Variants in CTNNA2 observed in about 807,000 individuals in gnomAD.
CTNNA2 encodes catenin alpha 2, also known as catenin alpha-2.
In CTNNA2, 42 loss-of-function variants were observed where a neutral mutation model predicts 101.0. The observed-to-expected ratio is 0.42, with a 90% CI of 0.32 to 0.54. The LOEUF is 0.54. Among genes scored for constraint, CTNNA2 ranks in the 20% least tolerant of loss-of-function variants. The pLI is 0.14. For synonymous variants in CTNNA2, 450 were observed against 456.4 expected (o/e 0.99, Z 0.18); for missense variants, 871 against 1,223.1 (o/e 0.71, Z 4.29).
At chr2:79,373,997 T>A (rs1277315923) in exon 4 of CTNNA2, 1 of 152,190 alleles carries the variant, frequency 6.6e-6, no homozygotes, top group African/African-American at 2.4e-5. Context: ...ATGAATGTCA[T>A]CTGGCTGAAC....
intron 4 of CTNNA2, among the ~76,000 whole-genome samples, chr2:79,460,636 A>G (rs1255612261): frequency 1.3e-5 from 2 of 152,092 alleles, no homozygotes; most frequent in East Asian, 1.9e-4. Flanking sequence ...GATTTTTCCC[A>G]TTCTCTACTC....
At chr2:79,480,828 C>T (rs531133642) in intron 4 of CTNNA2, among the ~76,000 whole-genome samples, 122 of 152,176 alleles carry the variant, frequency 8.0e-4, no homozygotes, top group African/African-American at 2.7e-3. Flanking sequence ...ATTTTCTTAA[C>T]GTTTTCCGTG....
chr2:79,620,718 G>C (rs1233011250), intron 1 of CTNNA2, among the ~76,000 whole-genome samples: 1 of 152,170 alleles, frequency 6.6e-6, no homozygotes, highest in Non-Finnish European at 1.5e-5. Flanking sequence ...GCCCAAATCA[G>C]TTTGATGTGA....
At chr2:80,594,675 T>G (rs1696793266) in intron 15 of CTNNA2, among the ~76,000 whole-genome samples, 1 of 152,100 alleles carries the variant, frequency 6.6e-6, no homozygotes, top group East Asian at 1.9e-4. Context: ...TAGTTAATTT[T>G]TAAATGAGGT....
chr2:80,628,903 T>C (rs1448389272), intron 18 of CTNNA2, among the ~76,000 whole-genome samples: 4 of 152,058 alleles, frequency 2.6e-5, no homozygotes, highest in Non-Finnish European at 5.9e-5. Context: ...ATGCCCTCCA[T>C]TGAGTGGAAC....
chr2:80,188,695 G>T (rs1457928209), intron 7 of CTNNA2, among the ~76,000 whole-genome samples: 2 of 152,104 alleles, frequency 1.3e-5, no homozygotes, highest in Non-Finnish European at 2.9e-5. Flanking sequence ...TGTCTATCCT[G>T]TTCACAGCAG....
At chr2:80,098,166 A>G (rs1700284195) in intron 7 of CTNNA2, among the ~76,000 whole-genome samples, 1 of 152,056 alleles carries the variant, frequency 6.6e-6, no homozygotes, top group African/African-American at 2.4e-5. Context: ...GATGATGGTG[A>G]CGTACAAATG....
intron 2 of CTNNA2, among the ~76,000 whole-genome samples, chr2:79,307,193 A>G (rs1676267074): frequency 6.6e-6 from 1 of 152,176 alleles, no homozygotes; most frequent in East Asian, 1.9e-4. Flanking sequence ...AGATCAGGGT[A>G]ATGAGCATAT....
chr2:79,448,170 G>A (rs1678853702), intron 4 of CTNNA2, among the ~76,000 whole-genome samples: 1 of 152,056 alleles, frequency 6.6e-6, no homozygotes, highest in South Asian at 2.1e-4. Context: ...CAGCTCTGAT[G>A]AAACCTTGGT....
chr2:79,415,716 C>T (rs1257013475), intron 4 of CTNNA2, among the ~76,000 whole-genome samples: 1 of 152,002 alleles, frequency 6.6e-6, no homozygotes, highest in African/African-American at 2.4e-5. Context: ...TGAACATATG[C>T]CTGGTATCTG....
rs370131257 is a variant in CTNNA2 at position 79,390,515 on chromosome 2, C to G, written c.-135+16502C>G. ...TCATCCAGACATGAATTTTTTCCAC[C>G]TTAAGCCACAGTAGTGGGTCAACAG... On this transcript the variant is annotated intron_variant, in intron 4 of 21. Transcript: ENST00000466387. 3.3e-5 allele frequency among the ~76,000 whole-genome samples: 5 copies of G among 152,264 alleles called. No homozygotes were observed. In the East Asian group the frequency reaches 7.7e-4, roughly 24 times the overall value.
intron 3 of CTNNA2, among the ~76,000 whole-genome samples, chr2:79,349,500 C>T (rs778628516): frequency 1.3e-4 from 20 of 152,242 alleles, no homozygotes; most frequent in Admixed American, 4.6e-4. Flanking sequence ...AGGTTAGAAA[C>T]ACAAACTATT....
chr2:79,629,188 C>A (rs536201514), intron 1 of CTNNA2, among the ~76,000 whole-genome samples: 1 of 151,996 alleles, frequency 6.6e-6, no homozygotes, highest in South Asian at 2.1e-4. Context: ...TTTTTATCAG[C>A]AAGATAAATT....
At chr2:80,402,081 CTCCCTCAGG>C (rs1342110361) in intron 8 of CTNNA2, among the ~76,000 whole-genome samples, 2 of 152,180 alleles carry the variant, frequency 1.3e-5, no homozygotes, top group Non-Finnish European at 2.9e-5. Context: ...CCCATTATCC[CTCCCTCAGG>C]TCCACCTAAT....
chr2:80,152,846 A>G (rs1309553985), intron 7 of CTNNA2, among the ~76,000 whole-genome samples: 1 of 152,164 alleles, frequency 6.6e-6, no homozygotes, highest in Non-Finnish European at 1.5e-5. Flanking sequence ...AGAGTTCAGA[A>G]ATCTTTGGAC....
rs140833648 is a variant in CTNNA2, at chr2:79,949,950, G to A, written c.1056+40153G>A. Among the ~76,000 whole-genome samples the A allele has an allele frequency of 9.9e-4, 151 of 152,038 alleles. 1 individual carries two copies. Among genetic ancestry groups the A allele is most frequent in the Middle Eastern group, 3.4e-3 (1 of 292 alleles). On this transcript the variant is annotated intron_variant, in intron 7 of 18. Coordinates refer to ENST00000402739, the MANE Select transcript of CTNNA2 (RefSeq NM_001282597.3). ...TTGGAGGATTGATTTTTTTCTGAAC[G>A]TTTATAGAAATCTTTCCAGAGAGTA...
At chr2:79,290,534 A>G (rs1675773237) in intron 2 of CTNNA2, among the ~76,000 whole-genome samples, 1 of 152,094 alleles carries the variant, frequency 6.6e-6, no homozygotes, top group Admixed American at 6.5e-5. Context: ...AAAAACCCCA[A>G]GACCCTAGCA....
intron 2 of CTNNA2, among the ~76,000 whole-genome samples, chr2:79,284,629 A>G (rs1326015576): frequency 1.3e-4 from 19 of 149,492 alleles, no homozygotes; most frequent in Middle Eastern, 3.5e-3. Flanking sequence ...CATGGTGGAT[A>G]AGCTTTTTGA....
At chr2:79,868,072 G>C (rs1298654887) in intron 4 of CTNNA2, among the ~76,000 whole-genome samples, 2 of 151,994 alleles carry the variant, frequency 1.3e-5, no homozygotes, top group Non-Finnish European at 2.9e-5. Flanking sequence ...ATTTGACTTG[G>C]GTGCCTAAAA....
Sources: gnomAD v4.1 joint callset for allele counts (sites outside exome capture counted in the v4.1 genomes callset) on GRCh38, gnomAD v4.1.1 for gene constraint, MANE v1.5 for transcripts, NCBI Gene and HGNC (gene_info 2026-07-23, HGNC 2026-07-21) for gene names.